ADGRB1: variants seen among roughly 807,000 people sequenced by gnomAD.
The protein encoded by ADGRB1 is adhesion G protein-coupled receptor B1, also known as brain-specific angiogenesis inhibitor 1.
ADGRB1 carries 36 observed loss-of-function variants against 175.7 expected under a neutral mutation model. That is an observed-to-expected ratio of 0.20 (90% CI 0.16 to 0.27). The LOEUF (loss-of-function observed/expected upper bound fraction) is 0.27, where lower values mean the gene tolerates loss of function less well. ADGRB1 is among the 10% of genes least tolerant of loss of function. ADGRB1 has a pLI of 1.00. For synonymous variants in ADGRB1, 1,054 were observed against 979.4 expected, an observed-to-expected ratio of 1.08 and a Z score of -1.42; for missense variants, 1,731 against 2,255.3, an observed-to-expected ratio of 0.77 and a Z score of 4.71.
At chr8:142,519,955 G>A (rs952344543) in intron 19 of ADGRB1, among the ~76,000 whole-genome samples, 4 of 128,678 alleles carry the variant, frequency 3.1e-5, no homozygotes, top group African/African-American at 8.7e-5. Flanking sequence ...GCGTGATGGT[G>A]GTGGTGGTGG....
At chr8:142,465,312 C>G (rs923713780) in intron 2 of ADGRB1, among the ~76,000 whole-genome samples, 1 of 152,206 alleles carries the variant, frequency 6.6e-6, no homozygotes, top group Non-Finnish European at 1.5e-5. Context: ...CTAATTCCCT[C>G]CAGGATGGGA....
intron 1 of ADGRB1, among the ~76,000 whole-genome samples, chr8:142,461,168 G>A (rs1399435873): frequency 2.6e-5 from 4 of 152,210 alleles, no homozygotes; most frequent in Non-Finnish European, 5.9e-5. Context: ...TGTGCAGAGA[G>A]CATGGGCGGT....
intron 17 of ADGRB1, among the ~76,000 whole-genome samples, chr8:142,491,017 G>C (rs891331972): frequency 2.0e-5 from 3 of 152,174 alleles, no homozygotes; most frequent in African/African-American, 7.2e-5. Flanking sequence ...CCCCTCCCAG[G>C]GATGTCCACA....
At chr8:142,469,942 T>C (rs534815643) in intron 2 of ADGRB1, among the ~76,000 whole-genome samples, 23 of 152,294 alleles carry the variant, frequency 1.5e-4, no homozygotes, top group African/African-American at 5.1e-4. Context: ...CTGTGGGACC[T>C]GGGGACACTG....
intron 1 of ADGRB1, among the ~76,000 whole-genome samples, chr8:142,462,613 C>T (rs551306370): frequency 1.2e-4 from 18 of 152,230 alleles, no homozygotes; most frequent in Non-Finnish European, 1.9e-4. Context: ...GAGCAGTGAC[C>T]GACCTTGTCT....
intron 1 of ADGRB1, among the ~76,000 whole-genome samples, chr8:142,454,429 C>T (rs1839538543): frequency 2.0e-5 from 3 of 152,302 alleles, no homozygotes; most frequent in South Asian, 4.1e-4. Context: ...ACGAGCACAC[C>T]GTGAGGTGCA....
intron 1 of ADGRB1, among the ~76,000 whole-genome samples, chr8:142,459,610 C>A (rs866199093): frequency 6.6e-6 from 1 of 152,244 alleles, no homozygotes; most frequent in Non-Finnish European, 1.5e-5. Context: ...CCCACAGCCA[C>A]GTGGCCTTGT....
rs138135837 is a variant in ADGRB1 at position 142,513,264 on chromosome 8, C to T, written c.2817+2191C>T. ...GAGATGGGAGGGCGGTTGGCTCTGC[C>T]GCAAGGGCAGACCATGTGTGGCTCA... On this transcript the variant is annotated intron_variant, in intron 18 of 30. Coordinates refer to ENST00000517894, the MANE Select transcript of ADGRB1 (RefSeq NM_001702.3). 4.7e-3 allele frequency among the ~76,000 whole-genome samples: 712 copies of T among 152,262 alleles called. 3 individuals are homozygous for T. Among genetic ancestry groups the T allele is most frequent in the Non-Finnish European group, 7.9e-3 (537 of 68,010 alleles).
At chr8:142,499,168 G>T (rs1459084868) in intron 17 of ADGRB1, among the ~76,000 whole-genome samples, 1 of 152,234 alleles carries the variant, frequency 6.6e-6, no homozygotes, top group East Asian at 1.9e-4. Flanking sequence ...CAGTTGGGAG[G>T]GGCAGAGCTC....
intron 1 of ADGRB1, among the ~76,000 whole-genome samples, chr8:142,451,697 C>G (rs1587227673): frequency 6.6e-6 from 1 of 152,124 alleles, no homozygotes; most frequent in East Asian, 1.9e-4. Flanking sequence ...CGCGGGGGAA[C>G]AGCAGAGGCC....
chr8:142,478,048 G>A, intron 6 of ADGRB1, 139 bp from the exon 7 acceptor site: 1 of 1,150,412 alleles, frequency 8.7e-7, no homozygotes, highest in Non-Finnish European at 1.2e-6. Context: ...GGCCGTGGGT[G>A]GTGGCCCCCA....
At position 142,476,891 on chromosome 8, in the gene ADGRB1, GA is replaced by G. The variant is rs1438534252; in HGVS notation, c.1057+197del. ...AGGTGAAGAAACGTGTCCCTGGCCA[GA>G]CCCCAGAGGCCCAGGGATGGCACAG... On this transcript the variant is annotated intron_variant, in intron 4 of 30. Coordinates refer to ENST00000517894, the MANE Select transcript of ADGRB1 (RefSeq NM_001702.3). 2.8e-4 allele frequency among the ~76,000 whole-genome samples: 43 copies of G among 152,324 alleles called. 1 individual carries two copies. Among genetic ancestry groups the G allele is most frequent in the Non-Finnish European group, 2.9e-5 (2 of 68,014 alleles).
chr8:142,472,076 G>C (rs1028230507), intron 2 of ADGRB1, among the ~76,000 whole-genome samples: 3 of 152,180 alleles, frequency 2.0e-5, no homozygotes, highest in Admixed American at 1.3e-4. Flanking sequence ...TGCTGGAGTC[G>C]GGAGACCTCT....
intron 10 of ADGRB1, 43 bp from the exon 11 acceptor site, chr8:142,481,473 TG>T (rs757273070): frequency 1.3e-6 from 2 of 1,577,404 alleles, no homozygotes; most frequent in Non-Finnish European, 1.7e-6. Flanking sequence ...TGCCTGGACA[TG>T]TTCCACAGAG....
rs1843057892 is a variant in ADGRB1 at position 142,510,819 on chromosome 8, C to A, written c.2676-113C>A. On this transcript the variant is annotated intron_variant, in intron 17 of 30. Transcript: ENST00000517894. This position sits in a 1 kb window ranked among gnomAD's most constrained non-coding sequence, Gnocchi z 6.3. ...GGCTGCGGGCGCAGGTGCGGGGCGG[C>A]GGGCCGGGGCCGGGGCCGGGGCGCG... 8 of 439,692 alleles carry A rather than the reference C, an allele frequency of 1.8e-5. No homozygotes were observed. Among genetic ancestry groups the A allele is most frequent in the Non-Finnish European group, 2.4e-5 (8 of 335,202 alleles). The allele number at this position is 439,692 out of a possible 1,614,324, so 27.2% of individuals were successfully genotyped here.
intron 25 of ADGRB1, among the ~76,000 whole-genome samples, chr8:142,534,606 A>G (rs931850268): frequency 6.6e-6 from 1 of 152,192 alleles, no homozygotes; most frequent in Non-Finnish European, 1.5e-5. Flanking sequence ...TCCAGCAGCG[A>G]AACGGCTCCT....
chr8:142,510,951 C>T lies in ADGRB1; in HGVS notation c.2695C>T (p.Pro899Ser), dbSNP rs1271552931. 5.4e-6 allele frequency: 7 copies of T among 1,293,980 alleles called. No individual in the cohort carries two copies. The highest frequency in any genetic ancestry group is 4.5e-5 in the South Asian group (3 of 67,100). The allele number at this position is 1,293,980 out of a possible 1,614,324, so 80.2% of individuals were successfully genotyped here. A position where few individuals can be genotyped will look rare whatever the true frequency, so the allele number is the denominator to read the frequency against. The stretch of plus-strand genomic sequence containing the variant: ...CCCCAGACCCTCCTCCTCCGCCCCC[C>T]CGCAGCTCGGGCCCTGGTCGTGGCG... ...ETDVPSSSAP[P>S]QLGPWSWRGC... is the part of the protein sequence containing the mutation. Residue 899 changes from proline (P) to serine (S), a missense_variant, in exon 18 of 31, where the codon CCG (proline) becomes TCG (serine). By Grantham distance (74) the Pro-to-Ser change is moderately conservative (BLOSUM62 -1). This residue lies in a region of ADGRB1 where 77 missense variants were observed against 71.6 expected (regional missense o/e 1.08). Coordinates refer to ENST00000517894, the MANE Select transcript of ADGRB1 (RefSeq NM_001702.3). This position sits in a 1 kb window ranked among gnomAD's most constrained non-coding sequence, Gnocchi z 6.3.
chr8:142,510,846 A>C lies in ADGRB1; in HGVS notation c.2676-86A>C. 1.5e-6 allele frequency: 1 copy of C among 689,180 alleles called. No individual in the cohort carries two copies. Among genetic ancestry groups the C allele is most frequent in the Non-Finnish European group, 1.8e-6 (1 of 563,424 alleles). 42.7% of individuals were successfully genotyped at this position (689,180 alleles called of 1,614,324 possible). On this transcript the variant is annotated intron_variant, in intron 17 of 30. Coordinates refer to ENST00000517894, the MANE Select transcript of ADGRB1 (RefSeq NM_001702.3). The surrounding 1 kb of genome is among the most constrained non-coding windows in gnomAD (Gnocchi z 6.3). Reference sequence around the variant, plus strand: ...GGCCGGGGCCGGGGCCGGGGCGCGGAGCCGCCGCTCGGGGGCCGGGGCGCC... The same window carrying C: ...GGCCGGGGCCGGGGCCGGGGCGCGGCGCCGCCGCTCGGGGGCCGGGGCGCC...
At chr8:142,456,935 A>C (rs372562424) in intron 1 of ADGRB1, among the ~76,000 whole-genome samples, 3 of 152,276 alleles carry the variant, frequency 2.0e-5, no homozygotes, top group African/African-American at 7.2e-5. Flanking sequence ...CCTGCCTTCG[A>C]GGGCAACTTC....
Sources: gnomAD v4.1 joint callset for allele counts (sites outside exome capture counted in the v4.1 genomes callset) on GRCh38, gnomAD v4.1.1 for gene constraint, gnomAD v4.1.1 regional missense constraint, Gnocchi (gnomAD v3.1) non-coding constraint, MANE v1.5 for transcripts, NCBI Gene and HGNC (gene_info 2026-07-23, HGNC 2026-07-21) for gene names.